The following NAA15 variants were observed in gnomAD, a reference collection of about 807,000 sequenced individuals.
The protein encoded by NAA15 is N-alpha-acetyltransferase 15, NatA auxiliary subunit.
A neutral mutation model predicts 114.0 loss-of-function variants in NAA15; 34 were observed. That is an observed-to-expected ratio of 0.30 (90% CI 0.23 to 0.40). NAA15 has a LOEUF of 0.40. Ranked by LOEUF, NAA15 falls within the 10% of genes least tolerant of loss-of-function variation. The pLI, the probability that NAA15 is intolerant of heterozygous loss-of-function variation, is 1.00. For synonymous variants in NAA15, 340 were observed against 338.0 expected (o/e 1.01, Z -0.06); for missense variants, 658 against 1,004.5 (o/e 0.66, Z 4.66).
chr4:139,383,331 C>G (rs949375705), intron 17 of NAA15, among the ~76,000 whole-genome samples: 6 of 152,204 alleles, frequency 3.9e-5, no homozygotes, highest in Non-Finnish European at 8.8e-5. Flanking sequence ...GATCCATACC[C>G]AAGTCTAACT....
At chr4:139,343,878 T>A (rs1424329034) in intron 5 of NAA15, among the ~76,000 whole-genome samples, 2 of 152,202 alleles carry the variant, frequency 1.3e-5, no homozygotes, top group African/African-American at 4.8e-5. Context: ...AAAATGGTGA[T>A]TCTCTTAACT....
chr4:139,344,360 A>G (rs1747510059), intron 6 of NAA15, 21 bp downstream of exon 6: 1 of 1,583,546 alleles, frequency 6.3e-7, no homozygotes, highest in South Asian at 1.1e-5. Flanking sequence ...AAGAATTGTC[A>G]TTTATTCTAA....
intron 3 of NAA15, among the ~76,000 whole-genome samples, chr4:139,337,629 T>C (rs1747241632): frequency 6.6e-6 from 1 of 152,168 alleles, no homozygotes; most frequent in Non-Finnish European, 1.5e-5. Context: ...GAAAAAATTG[T>C]GGGTTGCTAT....
chr4:139,313,161 A>G (rs972392549), intron 1 of NAA15, among the ~76,000 whole-genome samples: 1 of 151,986 alleles, frequency 6.6e-6, no homozygotes, highest in Non-Finnish European at 1.5e-5. Flanking sequence ...TTTGCTTTTA[A>G]AAACAGTAGA....
At chr4:139,308,435 A>T (rs984810590) in intron 1 of NAA15, among the ~76,000 whole-genome samples, 1 of 152,164 alleles carries the variant, frequency 6.6e-6, no homozygotes, top group Non-Finnish European at 1.5e-5. Flanking sequence ...TTTCTTTGTG[A>T]CAGAATTCCA....
chr4:139,338,521 C>G (rs1430353360), intron 3 of NAA15, among the ~76,000 whole-genome samples: 1 of 152,056 alleles, frequency 6.6e-6, no homozygotes, highest in Non-Finnish European at 1.5e-5. Flanking sequence ...GATCTCAGCT[C>G]ACTGCAACCT....
Position 139,349,551 on chromosome 4 carries a change from T to C in NAA15, c.781T>C (p.Tyr261His). The change falls in exon 7 of 20, where the codon TAC becomes CAC. Residue 261 changes from tyrosine (Y) to histidine (H), a missense_variant. By Grantham distance (83) the Tyr-to-His change is moderately conservative. Transcript: ENST00000296543. ...GAGAAATCCTGAAAACTGGGCCTAT[T>C]ACAAAGGCTTGGAAAAAGCACTCAA... The part of the protein sequence containing the change: ...QERNPENWAY[Y>H]KGLEKALKPA... 12 of 1,611,580 alleles carry C rather than the reference T, an allele frequency of 7.4e-6. No homozygotes were observed. Among genetic ancestry groups the C allele is most frequent in the Non-Finnish European group, 1.0e-5 (12 of 1,179,364 alleles).
intron 6 of NAA15, among the ~76,000 whole-genome samples, chr4:139,347,895 G>A (rs1747640179): frequency 6.6e-6 from 1 of 151,568 alleles, no homozygotes; most frequent in Non-Finnish European, 1.5e-5. Flanking sequence ...AGCCGGGCGC[G>A]GTGGCGGGCG....
At position 139,323,053 on chromosome 4, in the gene NAA15, CTT is replaced by C. The variant is rs67137305; in HGVS notation, c.55-11102_55-11101del. On this transcript the variant is annotated intron_variant, in intron 1 of 19. Transcript: ENST00000296543. ...GGCAGATTTCTTTTTCTTTTCTTTT[CTT>C]TTTTTTTTTTTTTTTTTTGAGATAG... Among the ~76,000 whole-genome samples the C allele has an allele frequency of 7.1e-3, 828 of 117,442 alleles. 8 individuals carry two copies. The highest frequency in any genetic ancestry group is 0.021 in the African/African-American group (663 of 30,930). The allele number at this position is 117,442 out of a possible 152,430, so 77.0% of individuals were successfully genotyped here.
At chr4:139,385,333 A>G (rs1748884441) in intron 18 of NAA15, among the ~76,000 whole-genome samples, 1 of 130,334 alleles carries the variant, frequency 7.7e-6, no homozygotes, top group South Asian at 2.2e-4. Flanking sequence ...CTTCCTATAC[A>G]TTTTTTAATT....
At chr4:139,326,526 T>G (rs555734271) in intron 1 of NAA15, among the ~76,000 whole-genome samples, 1 of 152,354 alleles carries the variant, frequency 6.6e-6, no homozygotes, top group South Asian at 2.1e-4. Flanking sequence ...GATTATAGAA[T>G]TAAAGTATAG....
intron 7 of NAA15, among the ~76,000 whole-genome samples, chr4:139,350,518 A>G (rs966663029): frequency 1.3e-5 from 2 of 152,178 alleles, no homozygotes; most frequent in Non-Finnish European, 2.9e-5. Context: ...TTGTGGGAAC[A>G]GGCCCAGAAA....
intron 1 of NAA15, among the ~76,000 whole-genome samples, chr4:139,320,829 G>A (rs1426641449): frequency 6.6e-6 from 1 of 152,026 alleles, no homozygotes; most frequent in Non-Finnish European, 1.5e-5. Context: ...CCTCCCTGGT[G>A]TTTTTTGAGA....
At chr4:139,331,393 T>A (rs1746994575) in intron 1 of NAA15, among the ~76,000 whole-genome samples, 1 of 152,062 alleles carries the variant, frequency 6.6e-6, no homozygotes, top group Non-Finnish European at 1.5e-5. Flanking sequence ...ATTTGCCCAC[T>A]TTCATCTTCC....
intron 6 of NAA15, 73 bp downstream of exon 6, chr4:139,344,412 G>C: frequency 8.0e-7 from 1 of 1,245,008 alleles, no homozygotes; most frequent in East Asian, 2.4e-5. Flanking sequence ...TCTAGTTGCT[G>C]CTGACAGTTT....
chr4:139,360,536 C>T lies in NAA15; in HGVS notation c.1447C>T (p.Gln483Ter). The change falls in exon 13 of 20, where the codon CAG becomes TAG. Residue 483 changes from glutamine (Q) to a stop codon, truncating the protein, a stop_gained. Coordinates refer to ENST00000296543, the MANE Select transcript of NAA15 (RefSeq NM_057175.5). LOFTEE classifies it high-confidence loss of function. Reference protein sequence around the residue: ...TSAVENLNEMQCMWFQTECAQ... With the variant: ...TSAVENLNEM Reference sequence around the variant, plus strand: ...AGCGGTAGAGAATTTGAATGAAATGCAGTGCATGTGGTTCCAAACAGAATG... The same window carrying T: ...AGCGGTAGAGAATTTGAATGAAATGTAGTGCATGTGGTTCCAAACAGAATG... The T allele has an allele frequency of 1.2e-6, 2 of 1,600,818 alleles. No homozygotes were observed. Among genetic ancestry groups the T allele is most frequent in the South Asian group, 1.1e-5 (1 of 88,536 alleles).
chr4:139,337,080 A>G, intron 3 of NAA15, 128 bp downstream of exon 3: 1 of 452,248 alleles, frequency 2.2e-6, no homozygotes. Context: ...AAATAGGGTA[A>G]CAGCAACTGC....
At chr4:139,361,679 C>A in intron 13 of NAA15, 45 bp from the exon 14 acceptor site, 2 of 1,178,748 alleles carry the variant, frequency 1.7e-6, no homozygotes, top group East Asian at 2.5e-5. Flanking sequence ...GTTTTCTTAG[C>A]CATTGCTGTA....
chr4:139,376,938 T>A (rs190732044), intron 16 of NAA15, among the ~76,000 whole-genome samples: 1 of 152,142 alleles, frequency 6.6e-6, no homozygotes, highest in Non-Finnish European at 1.5e-5. Context: ...TAAGAAAACA[T>A]AGGAGTGTGT....
Sources: allele counts gnomAD v4.1 joint callset (sites outside exome capture counted in the v4.1 genomes callset), GRCh38; gene constraint gnomAD v4.1.1; transcripts MANE v1.5; gene names NCBI Gene and HGNC (gene_info 2026-07-23, HGNC 2026-07-21).